Variants in C1GALT1 observed in about 807,000 individuals in gnomAD.
C1GALT1 encodes glycoprotein-N-acetylgalactosamine 3-beta-galactosyltransferase 1.
Under a neutral mutation model 31.0 loss-of-function variants are expected in C1GALT1, and 11 were observed. That is an observed-to-expected ratio of 0.36 (90% CI 0.22 to 0.59). C1GALT1 has a LOEUF of 0.59. Ranked by LOEUF, C1GALT1 falls within the 20% of genes least tolerant of loss-of-function variation. The pLI is 0.79. For missense variants in C1GALT1, 424 were observed against 425.2 expected, an observed-to-expected ratio of 1.00 and a Z score of 0.03; for synonymous variants, 175 against 143.6, an observed-to-expected ratio of 1.22 and a Z score of -1.56.
At chr7:7,167,374 T>C (rs187141451) in intron 2 of C1GALT1, among the ~76,000 whole-genome samples, 38 of 152,270 alleles carry the variant, frequency 2.5e-4, no homozygotes, top group African/African-American at 8.7e-4. Context: ...CTGGATAAAA[T>C]AGTGTATTAA....
At chr7:7,186,324 A>T (rs549989016) in intron 1 of C1GALT1, among the ~76,000 whole-genome samples, 1 of 152,216 alleles carries the variant, frequency 6.6e-6, no homozygotes, top group East Asian at 1.9e-4. Flanking sequence ...GACCACAGCA[A>T]GTGCTTACTA....
intron 2 of C1GALT1, among the ~76,000 whole-genome samples, chr7:7,158,210 G>T (rs1273673312): frequency 6.6e-6 from 1 of 152,140 alleles, no homozygotes; most frequent in East Asian, 1.9e-4. Flanking sequence ...CTAAAGAAAA[G>T]AAATTAAATG....
intron 1 of C1GALT1, among the ~76,000 whole-genome samples, chr7:7,200,514 C>A (rs1041886167): frequency 1.3e-5 from 2 of 152,126 alleles, no homozygotes; most frequent in Non-Finnish European, 2.9e-5. Context: ...GTGGCATTCT[C>A]TGTATTACCA....
chr7:7,236,407 T>C (rs1251396271), intron 2 of C1GALT1, among the ~76,000 whole-genome samples: 1 of 152,216 alleles, frequency 6.6e-6, no homozygotes, highest in African/African-American at 2.4e-5. Context: ...AGCCAAGAGA[T>C]TGGGCTCCTC....
chr7:7,184,347 T>A (rs1053774862), intron 1 of C1GALT1, among the ~76,000 whole-genome samples: 1 of 152,222 alleles, frequency 6.6e-6, no homozygotes, highest in African/African-American at 2.4e-5. Flanking sequence ...GCCTGGAATG[T>A]GTATTTTTTT....
At position 7,246,778 on chromosome 7, in the gene C1GALT1, C is replaced by T. The variant is rs1338790079; in HGVS notation, c.*3051C>T. ...CCCAACAACCTACGTGATTTTGGTG[C>T]AAGTAGTGTTTGAAACACACTGAAG... On this transcript the variant is annotated 3_prime_UTR_variant, in exon 4 of 4. Transcript: ENST00000436587. 3.3e-5 allele frequency: 5 copies of T among 152,136 alleles called. No homozygotes were observed. The highest frequency in any genetic ancestry group is 7.3e-5 in the Non-Finnish European group (5 of 68,036). The allele number at this position is 152,136 out of a possible 1,614,324, so 9.4% of individuals were successfully genotyped here. A position where few individuals can be genotyped will look rare whatever the true frequency, so the allele number is the denominator to read the frequency against.
rs571517629 is a variant in C1GALT1, at chr7:7,192,636, G to A, written c.-18+9816G>A. 2.6e-5 allele frequency among the ~76,000 whole-genome samples: 4 copies of A among 151,878 alleles called. 1 individual carries two copies. In the South Asian group the frequency reaches 6.2e-4, roughly 24 times the overall value. Reference sequence around the variant, plus strand: ...AAATGTGTGTTCAAGTGTGTTTTTCGTATAATGACTTCTTTTTCTCTGGGT... The same window carrying A: ...AAATGTGTGTTCAAGTGTGTTTTTCATATAATGACTTCTTTTTCTCTGGGT... On this transcript the variant is annotated intron_variant, in intron 1 of 3. Coordinates refer to ENST00000436587, the MANE Select transcript of C1GALT1 (RefSeq NM_020156.5).
At chr7:7,196,934 G>C (rs1259493347) in intron 1 of C1GALT1, among the ~76,000 whole-genome samples, 1 of 151,854 alleles carries the variant, frequency 6.6e-6, no homozygotes, top group Admixed American at 6.6e-5. Context: ...TTGTATATTT[G>C]GATATTAGCC....
upstream of C1GALT1, chr7:7,178,038 G>A (rs117491599): frequency 8.9e-6 from 2 of 225,620 alleles, no homozygotes; most frequent in East Asian, 2.2e-4. Context: ...AAAAAGGCTG[G>A]AGCTGTGTTT....
Position 7,234,384 on chromosome 7 carries a change from T to C in C1GALT1, c.65T>C (p.Leu22Ser). The change falls in exon 2 of 4, where the codon TTA becomes TCA. Residue 22 changes from leucine to serine, a missense_variant. Around this residue, in one of 3 missense-constraint regions of C1GALT1, gnomAD observed 189 missense variants for 158.2 expected, o/e 1.19. Transcript: ENST00000436587. ...FLCGSAIGFL[L>S]CSQLFSILLG... ...TGTGGATCAGCAATAGGATTTCTTT[T>C]ATGTTCTCAGCTATTTAGTATTTTG... The C allele has an allele frequency of 6.2e-7, 1 of 1,614,040 alleles. No homozygotes were observed. Among genetic ancestry groups the C allele is most frequent in the Non-Finnish European group, 8.5e-7 (1 of 1,179,952 alleles).
chr7:7,198,619 C>T (rs62449965), intron 1 of C1GALT1, among the ~76,000 whole-genome samples: 22,014 of 152,154 alleles, frequency 0.14, 1,998 homozygotes, highest in Middle Eastern at 0.28. Context: ...GTACCAGCTC[C>T]TCTTTGTACC....
chr7:7,202,691 G>C (rs542317885), intron 1 of C1GALT1, among the ~76,000 whole-genome samples: 1 of 152,202 alleles, frequency 6.6e-6, no homozygotes, highest in African/African-American at 2.4e-5. Flanking sequence ...TTTCAAAACT[G>C]TTTTGGCTAT....
At chr7:7,213,843 A>G (rs1236222300) in intron 1 of C1GALT1, among the ~76,000 whole-genome samples, 1 of 152,196 alleles carries the variant, frequency 6.6e-6, no homozygotes, top group African/African-American at 2.4e-5. Context: ...CCCTCTTGCT[A>G]TGCGTTTATT....
chr7:7,238,971 T>C lies in C1GALT1; in HGVS notation c.888+49T>C. Reference sequence around the variant, plus strand: ...ATGTCAATACTTGGACTGACTGAATTTTGTTGATAAAAACATGTTAATATG... The same window carrying C: ...ATGTCAATACTTGGACTGACTGAATCTTGTTGATAAAAACATGTTAATATG... On this transcript the variant is annotated intron_variant, in intron 3 of 3. Coordinates refer to ENST00000436587, the MANE Select transcript of C1GALT1 (RefSeq NM_020156.5). This position sits in a 1 kb window ranked among gnomAD's most constrained non-coding sequence, Gnocchi z 5.2. The C allele has an allele frequency of 1.4e-6, 2 of 1,444,622 alleles. No individual in the cohort carries two copies. Among genetic ancestry groups the C allele is most frequent in the Non-Finnish European group, 9.4e-7 (1 of 1,058,522 alleles). 89.5% of individuals were successfully genotyped at this position (1,444,622 alleles called of 1,614,324 possible).
chr7:7,179,511 C>G (rs1780545372), upstream of C1GALT1, among the ~76,000 whole-genome samples: 1 of 152,102 alleles, frequency 6.6e-6, no homozygotes, highest in Non-Finnish European at 1.5e-5. Context: ...TTGTTGCTAG[C>G]TTGTTTGCAT....
At chr7:7,241,346 T>C (rs1247719403) in intron 3 of C1GALT1, among the ~76,000 whole-genome samples, 4 of 152,024 alleles carry the variant, frequency 2.6e-5, no homozygotes. Context: ...AGGATCTAAA[T>C]CTGGGATTTC....
intron 2 of C1GALT1, among the ~76,000 whole-genome samples, chr7:7,162,189 T>C (rs1208493803): frequency 1.3e-5 from 2 of 151,352 alleles, no homozygotes; most frequent in South Asian, 2.1e-4. Context: ...TATGTATACA[T>C]GTGCCATGCT....
At chr7:7,201,050 G>C (rs1440424596) in intron 1 of C1GALT1, among the ~76,000 whole-genome samples, 5 of 152,230 alleles carry the variant, frequency 3.3e-5, no homozygotes, top group Non-Finnish European at 7.3e-5. Flanking sequence ...CTGGCGAGGA[G>C]CTGCGTTCCT....
chr7:7,182,834 A>G lies in C1GALT1; in HGVS notation c.-18+14A>G. On this transcript the variant is annotated intron_variant, in intron 1 of 3. Transcript: ENST00000436587. ...AGCTGATGTCAGGTATGGCCGGCGG[A>G]GGCGCCCTCAGGCTACGGGTCCAAG... The G allele has an allele frequency of 1.0e-6, 1 of 985,376 alleles. No individual in the cohort carries two copies. The highest frequency in any genetic ancestry group is 1.2e-6 in the Non-Finnish European group (1 of 830,058). The allele number at this position is 985,376 out of a possible 1,614,324, so 61.0% of individuals were successfully genotyped here. A position where few individuals can be genotyped will look rare whatever the true frequency, so the allele number is the denominator to read the frequency against.
Sources: allele counts gnomAD v4.1 joint callset (sites outside exome capture counted in the v4.1 genomes callset), GRCh38; gene constraint gnomAD v4.1.1; regional missense constraint gnomAD v4.1.1; non-coding constraint Gnocchi (gnomAD v3.1); transcripts MANE v1.5; gene names NCBI Gene and HGNC (gene_info 2026-07-23, HGNC 2026-07-21).